The following DOK6 variants were observed in gnomAD, a reference collection of about 807,000 sequenced individuals.
DOK6 encodes downstream of tyrosine kinase 6.
Under a neutral mutation model 44.0 loss-of-function variants are expected in DOK6, and 22 were observed. That is an observed-to-expected ratio of 0.50 (90% CI 0.36 to 0.71). The LOEUF (loss-of-function observed/expected upper bound fraction) is 0.71, where lower values mean the gene tolerates loss of function less well. Among genes scored for constraint, DOK6 ranks in the 30% least tolerant of loss-of-function variants. DOK6 has a pLI of 0.00. For missense variants in DOK6, 340 were observed against 416.4 expected (o/e 0.82, Z 1.60); for synonymous variants, 166 against 145.5 (o/e 1.14, Z -1.01).
At chr18:69,771,504 AT>A (rs560754107) in intron 7 of DOK6, among the ~76,000 whole-genome samples, 23 of 152,190 alleles carry the variant, frequency 1.5e-4, no homozygotes, top group African/African-American at 5.3e-4. Context: ...TTTATACATT[AT>A]ACATATTATA....
chr18:69,637,205 T>G (rs1984829419), intron 3 of DOK6, among the ~76,000 whole-genome samples: 1 of 152,212 alleles, frequency 6.6e-6, no homozygotes, highest in Non-Finnish European at 1.5e-5. Flanking sequence ...CACTGATCGT[T>G]ATTATTTAAA....
chr18:69,596,490 A>T (rs571678965), intron 2 of DOK6, among the ~76,000 whole-genome samples: 1 of 152,270 alleles, frequency 6.6e-6, no homozygotes, highest in South Asian at 2.1e-4. Flanking sequence ...AGCAAAAGAA[A>T]AACTGCTCTT....
Position 69,653,394 on chromosome 18 carries a change from A to G in DOK6, c.290-24340A>G, listed in dbSNP as rs75548023. On this transcript the variant is annotated intron_variant, in intron 3 of 7. Coordinates refer to ENST00000382713, the MANE Select transcript of DOK6 (RefSeq NM_152721.6). ...TGAGGTCCCGGAGAAAAGGAAACAC[A>G]GAGAACTGAGCCTGATATTTGACTC... Among the ~76,000 whole-genome samples, 1,015 of 152,082 alleles carry G rather than the reference A, an allele frequency of 6.7e-3. 10 individuals are homozygous for G. The highest frequency in any genetic ancestry group is 0.011 in the Non-Finnish European group (715 of 68,008).
At chr18:69,630,688 T>C (rs1350813136) in intron 3 of DOK6, among the ~76,000 whole-genome samples, 3 of 152,196 alleles carry the variant, frequency 2.0e-5, no homozygotes, top group Non-Finnish European at 4.4e-5. Flanking sequence ...TTCATTTCTA[T>C]TTTCAAAGCC....
chr18:69,513,258 GA>G (rs1410944085), intron 1 of DOK6, among the ~76,000 whole-genome samples: 1 of 152,188 alleles, frequency 6.6e-6, no homozygotes, highest in Non-Finnish European at 1.5e-5. Flanking sequence ...CCATGTTTTA[GA>G]AACTATGCTT....
intron 7 of DOK6, among the ~76,000 whole-genome samples, chr18:69,776,314 A>G (rs548943096): frequency 5.7e-4 from 87 of 152,174 alleles, no homozygotes; most frequent in African/African-American, 2.0e-3. Context: ...TCAAGAGCCT[A>G]TAGAACATGG....
At chr18:69,673,983 C>T (rs1486290480) in intron 3 of DOK6, among the ~76,000 whole-genome samples, 1 of 152,056 alleles carries the variant, frequency 6.6e-6, no homozygotes, top group Admixed American at 6.5e-5. Flanking sequence ...GGAAAATAAA[C>T]ATTTTAAAAT....
At chr18:69,558,443 G>A (rs1193358976) in intron 1 of DOK6, among the ~76,000 whole-genome samples, 1 of 151,932 alleles carries the variant, frequency 6.6e-6, no homozygotes, top group Admixed American at 6.6e-5. Context: ...GTCCAAAGAG[G>A]GGTAGAAGAT....
At chr18:69,402,825 G>A (rs1388047366) in intron 1 of DOK6, among the ~76,000 whole-genome samples, 1 of 152,194 alleles carries the variant, frequency 6.6e-6, no homozygotes, top group Non-Finnish European at 1.5e-5. Flanking sequence ...GGTTTCAAGG[G>A]CTTTTCTTGG....
At position 69,753,319 on chromosome 18, in the gene DOK6, G is replaced by C. The variant is rs1979246081; in HGVS notation, c.739-4437G>C. Among the ~76,000 whole-genome samples the C allele has an allele frequency of 2.0e-5, 3 of 152,220 alleles. No individual in the cohort carries two copies. In the South Asian group the frequency reaches 6.2e-4, roughly 32 times the overall value. On this transcript the variant is annotated intron_variant, in intron 6 of 7. Coordinates refer to ENST00000382713, the MANE Select transcript of DOK6 (RefSeq NM_152721.6). ...ACCTCTTTTCTGGTTGGGGAGAAGG[G>C]TCTATTCTCATCAACTTGAGGACAG... is the stretch of plus-strand genomic sequence containing the variant.
chr18:69,687,294 G>C (rs1041755728), intron 4 of DOK6, among the ~76,000 whole-genome samples: 1 of 152,192 alleles, frequency 6.6e-6, no homozygotes, highest in Non-Finnish European at 1.5e-5. Context: ...GTTAATCCAT[G>C]AAGGGTGAAA....
At chr18:69,783,280 G>A (rs939844390) in intron 7 of DOK6, among the ~76,000 whole-genome samples, 6 of 152,178 alleles carry the variant, frequency 3.9e-5, no homozygotes, top group Non-Finnish European at 7.3e-5. Context: ...CTTGAGATAT[G>A]ATTAGTCCGA....
chr18:69,776,863 A>G (rs1980082949), intron 7 of DOK6, among the ~76,000 whole-genome samples: 1 of 152,002 alleles, frequency 6.6e-6, no homozygotes, highest in Admixed American at 6.6e-5. Context: ...TGTATTAGAC[A>G]TGACATCAGT....
In DOK6 at chr18:69,789,226, G is replaced by T. The variant is rs562624453; in HGVS notation, c.856+31353G>T. Among the ~76,000 whole-genome samples, 25 of 152,102 alleles carry T rather than the reference G, an allele frequency of 1.6e-4. No individual in the cohort carries two copies. In the South Asian group the frequency reaches 5.2e-3, roughly 32 times the overall value. Reference sequence around the variant, plus strand: ...TTAGTATTTATTCATAGGCTTAATGGAAATTATTAAATATTTGTTAAATAA... The same window carrying T: ...TTAGTATTTATTCATAGGCTTAATGTAAATTATTAAATATTTGTTAAATAA... On this transcript the variant is annotated intron_variant, in intron 7 of 7. Coordinates refer to ENST00000382713, the MANE Select transcript of DOK6 (RefSeq NM_152721.6).
At chr18:69,625,876 T>C (rs749308949) in intron 3 of DOK6, among the ~76,000 whole-genome samples, 4 of 152,190 alleles carry the variant, frequency 2.6e-5, no homozygotes, top group African/African-American at 4.8e-5. Context: ...TCAGTGAAAA[T>C]AAAGTTACTA....
chr18:69,692,687 A>G (rs937312087), intron 4 of DOK6, among the ~76,000 whole-genome samples: 6 of 152,252 alleles, frequency 3.9e-5, no homozygotes, highest in African/African-American at 1.4e-4. Flanking sequence ...ATGCTCAGAT[A>G]GGCCCAGGCC....
chr18:69,503,957 A>C (rs1053825276), intron 1 of DOK6, among the ~76,000 whole-genome samples: 4 of 152,196 alleles, frequency 2.6e-5, no homozygotes, highest in African/African-American at 9.6e-5. Flanking sequence ...ACCTTTTGCA[A>C]ATTAAAGAAC....
chr18:69,759,681 T>C (rs78252128), intron 7 of DOK6, among the ~76,000 whole-genome samples: 1,749 of 152,310 alleles, frequency 0.011, 30 homozygotes, highest in African/African-American at 0.04. Context: ...CCTAAAACAT[T>C]GCCAGAGACT....
intron 1 of DOK6, among the ~76,000 whole-genome samples, chr18:69,563,953 A>T (rs953930213): frequency 6.6e-6 from 1 of 152,216 alleles, no homozygotes; most frequent in Non-Finnish European, 1.5e-5. Flanking sequence ...TGTATTTAAT[A>T]AATACTTCCT....
Sources: gnomAD v4.1 joint callset for allele counts (sites outside exome capture counted in the v4.1 genomes callset) on GRCh38, gnomAD v4.1.1 for gene constraint, MANE v1.5 for transcripts, NCBI Gene and HGNC (gene_info 2026-07-23, HGNC 2026-07-21) for gene names.